Variants in SCN8A observed in about 807,000 individuals in gnomAD.
SCN8A encodes the protein sodium voltage-gated channel alpha subunit 8.
SCN8A carries 30 observed loss-of-function variants against 184.1 expected under a neutral mutation model. The observed-to-expected ratio is 0.16, with a 90% CI of 0.12 to 0.22. The LOEUF (loss-of-function observed/expected upper bound fraction) is 0.22, where lower values mean the gene tolerates loss of function less well. Among genes scored for constraint, SCN8A ranks in the 10% least tolerant of loss-of-function variants. The pLI, the probability that SCN8A is intolerant of heterozygous loss-of-function variation, is 1.00. For missense variants in SCN8A, 1,057 were observed against 2,498.9 expected (o/e 0.42, Z 12.30); for synonymous variants, 852 against 907.0 (o/e 0.94, Z 1.09).
chr12:51,774,913 G>C (rs12581041), intron 20 of SCN8A, among the ~76,000 whole-genome samples: 1 of 152,016 alleles, frequency 6.6e-6, no homozygotes, highest in Non-Finnish European at 1.5e-5. Context: ...CTTCCCACAC[G>C]TTGCCATTCT....
At chr12:51,739,998 C>T (rs985524165) in intron 12 of SCN8A, among the ~76,000 whole-genome samples, 22 of 152,128 alleles carry the variant, frequency 1.4e-4, no homozygotes, top group South Asian at 2.1e-4. Context: ...AGGGAAGGGC[C>T]GAATTAAAGG....
chr12:51,706,431 A>G lies in SCN8A; in HGVS notation c.1351A>G (p.Met451Val), dbSNP rs961308028. The change falls in exon 11 of 27, where the codon ATG (methionine) becomes GTG (valine). Residue 451 changes from methionine (M) to valine (V), a missense_variant. Transcript: ENST00000627620. Reference sequence around the variant, plus strand: ...GTGGCTTCTTTCCTAGGCTGCTGCGATGGCCACTTCAGCAGGAACTGTCTC... The same window carrying G: ...GTGGCTTCTTTCCTAGGCTGCTGCGGTGGCCACTTCAGCAGGAACTGTCTC... ...KQQEEAQAAAMATSAGTVSED... is the reference protein window; with the variant it reads ...KQQEEAQAAAVATSAGTVSED... 3 of 1,585,418 alleles carry G rather than the reference A, an allele frequency of 1.9e-6. No individual in the cohort carries two copies. The highest frequency in any genetic ancestry group is 2.7e-5 in the African/African-American group (2 of 74,000).
At chr12:51,703,597 C>T (rs949233374) in intron 9 of SCN8A, among the ~76,000 whole-genome samples, 1 of 152,210 alleles carries the variant, frequency 6.6e-6, no homozygotes, top group Non-Finnish European at 1.5e-5. Context: ...CAGTAACATT[C>T]TGTTGGGCTA....
chr12:51,787,942 C>G (rs893948870), intron 22 of SCN8A, among the ~76,000 whole-genome samples: 1 of 152,172 alleles, frequency 6.6e-6, no homozygotes, highest in Non-Finnish European at 1.5e-5. Context: ...ACAAGCCAGT[C>G]AAACATGGTA....
intron 20 of SCN8A, 80 bp downstream of exon 20, chr12:51,774,442 G>A: frequency 1.5e-6 from 2 of 1,328,890 alleles, no homozygotes; most frequent in South Asian, 3.0e-5. Flanking sequence ...AATGGCAGTA[G>A]CTGCCCTGGG....
chr12:51,805,491 A>G (rs1342982099), intron 26 of SCN8A, among the ~76,000 whole-genome samples: 1 of 152,108 alleles, frequency 6.6e-6, no homozygotes, highest in Non-Finnish European at 1.5e-5. Flanking sequence ...AATTATATAT[A>G]TATATATGAT....
intron 2 of SCN8A, among the ~76,000 whole-genome samples, chr12:51,670,187 A>C (rs142384584): frequency 6.6e-6 from 1 of 152,312 alleles, no homozygotes; most frequent in African/African-American, 2.4e-5. Context: ...CCCCTCTCTA[A>C]GTATGGCTAC....
At position 51,807,601 on chromosome 12, in the gene SCN8A, G is replaced by T; in HGVS notation, c.*172G>T. On this transcript the variant is annotated 3_prime_UTR_variant, in exon 27 of 27. Transcript: ENST00000627620. This position sits in a 1 kb window ranked among gnomAD's most constrained non-coding sequence, Gnocchi z 4.5. ...ACAGCTGCATCTTGAGCAGTGACCT[G>T]CCAAGGGCAAAGGACCCCGCTCCCT... The T allele has an allele frequency of 1.4e-6, 1 of 726,620 alleles. No homozygotes were observed. The allele number at this position is 726,620 out of a possible 1,614,324, so 45.0% of individuals were successfully genotyped here.
Position 51,701,167 on chromosome 12 carries a change from A to G in SCN8A, c.952A>G (p.Met318Val), listed in dbSNP as rs1941680859. 3 of 1,612,968 alleles carry G rather than the reference A, an allele frequency of 1.9e-6. No individual in the cohort carries two copies. The South Asian group carries it at 3.3e-5, about 18-fold the overall frequency. ...NKTNFYTVPG[M>V]LEPLLCGNSS... is the part of the protein sequence containing the mutation. ...AGCAAATTTCTACACAGTTCCTGGC[A>G]TGCTGGAACCTTTACTCTGTGGGAA... The change falls in exon 8 of 27, where the codon ATG becomes GTG. Residue 318 changes from methionine to valine, a missense_variant. By Grantham distance (21) the Met-to-Val change is conservative. This residue lies in a region of SCN8A where 26 missense variants were observed against 44.4 expected (regional missense o/e 0.59). Transcript: ENST00000627620.
chr12:51,798,043 C>T (rs1938456276), intron 26 of SCN8A, among the ~76,000 whole-genome samples: 1 of 152,160 alleles, frequency 6.6e-6, no homozygotes, highest in African/African-American at 2.4e-5. Flanking sequence ...ATGGGAGAAA[C>T]AGTACCATAT....
intron 14 of SCN8A, among the ~76,000 whole-genome samples, chr12:51,761,443 C>CTATTTATT (rs147096948): frequency 1.2e-3 from 174 of 149,968 alleles, no homozygotes; most frequent in Middle Eastern, 0.01. Context: ...ATTTTATTCA[C>CTATTTATT]TATTTATTTA....
intron 25 of SCN8A, 101 bp downstream of exon 25, chr12:51,790,603 T>C: frequency 1.3e-6 from 1 of 742,960 alleles, no homozygotes; most frequent in Middle Eastern, 2.6e-4. Flanking sequence ...GATTGGCTGC[T>C]TTGTGCCTAA....
chr12:51,593,666 A>G (rs892869027), intron 1 of SCN8A, among the ~76,000 whole-genome samples: 12 of 151,904 alleles, frequency 7.9e-5, no homozygotes, highest in African/African-American at 2.9e-4. Flanking sequence ...AAGTGCACAC[A>G]CACTGGACAT....
At chr12:51,729,018 G>C (rs1391333299) in intron 12 of SCN8A, among the ~76,000 whole-genome samples, 1 of 152,208 alleles carries the variant, frequency 6.6e-6, no homozygotes, top group Non-Finnish European at 1.5e-5. Context: ...ACAAATGGCA[G>C]TTATGGTGGC....
intron 2 of SCN8A, among the ~76,000 whole-genome samples, chr12:51,668,390 G>C (rs868617991): frequency 6.6e-6 from 1 of 152,056 alleles, no homozygotes; most frequent in African/African-American, 2.4e-5. Context: ...CACCACTGTT[G>C]GTGGTATAAC....
At chr12:51,617,570 C>T (rs1939867937) in intron 1 of SCN8A, among the ~76,000 whole-genome samples, 1 of 152,170 alleles carries the variant, frequency 6.6e-6, no homozygotes, top group Non-Finnish European at 1.5e-5. Context: ...AAGCCTTTGC[C>T]AATTCTAACA....
At chr12:51,773,554 T>C (rs1394148566) in intron 19 of SCN8A, among the ~76,000 whole-genome samples, 1 of 152,250 alleles carries the variant, frequency 6.6e-6, no homozygotes, top group African/African-American at 2.4e-5. Context: ...CATATGCTTC[T>C]GGTAGGAATG....
intron 1 of SCN8A, among the ~76,000 whole-genome samples, chr12:51,626,012 G>A (rs914057308): frequency 1.3e-5 from 2 of 152,116 alleles, no homozygotes; most frequent in Non-Finnish European, 2.9e-5. Flanking sequence ...AAGACAAGAG[G>A]GCATTCTGCA....
chr12:51,773,602 T>G (rs1293515947), intron 19 of SCN8A, among the ~76,000 whole-genome samples: 1 of 152,230 alleles, frequency 6.6e-6, no homozygotes, highest in Non-Finnish European at 1.5e-5. Context: ...AGTTTGGCAG[T>G]TCCTCAAAAA....
Sources: allele counts gnomAD v4.1 joint callset (sites outside exome capture counted in the v4.1 genomes callset), GRCh38; gene constraint gnomAD v4.1.1; regional missense constraint gnomAD v4.1.1; non-coding constraint Gnocchi (gnomAD v3.1); transcripts MANE v1.5; gene names NCBI Gene and HGNC (gene_info 2026-07-23, HGNC 2026-07-21).